The following RARB variants were observed in gnomAD, a reference collection of about 807,000 sequenced individuals.
RARB encodes the protein HBV-activated protein.
A neutral mutation model predicts 51.9 loss-of-function variants in RARB; 17 were observed. The observed-to-expected ratio is 0.33, with a 90% CI of 0.22 to 0.49. The LOEUF (loss-of-function observed/expected upper bound fraction) is 0.49, where lower values mean the gene tolerates loss of function less well. Among genes scored for constraint, RARB ranks in the 20% least tolerant of loss-of-function variants. The probability of loss-of-function intolerance (pLI) is 0.99; values close to 1 mark genes in which losing one functional copy is unlikely to be tolerated. For synonymous variants in RARB, 215 were observed against 195.4 expected (o/e 1.10, Z -0.84); for missense variants, 369 against 550.8 (o/e 0.67, Z 3.30).
intron 3 of RARB, chr3:25,060,229 A>G (rs1698521764): frequency 6.6e-6 from 1 of 151,862 alleles, no homozygotes; most frequent in Admixed American, 6.6e-5. Flanking sequence ...TTTGAAAAAC[A>G]TGGAAGTTCT....
At chr3:25,038,722 C>A (rs1424342217) in intron 2 of RARB, among the ~76,000 whole-genome samples, 1 of 152,052 alleles carries the variant, frequency 6.6e-6, no homozygotes, top group Non-Finnish European at 1.5e-5. Flanking sequence ...TTTTTCTTAA[C>A]ATAATGAGAC....
chr3:25,142,908 G>C (rs1559481517), intron 4 of RARB, among the ~76,000 whole-genome samples: 1 of 152,072 alleles, frequency 6.6e-6, no homozygotes, highest in Non-Finnish European at 1.5e-5. Flanking sequence ...ATCCTCTGCT[G>C]GATGGCTGAT....
At chr3:25,183,920 G>A (rs1323585889) in intron 5 of RARB, among the ~76,000 whole-genome samples, 1 of 151,990 alleles carries the variant, frequency 6.6e-6, no homozygotes, top group Non-Finnish European at 1.5e-5. Flanking sequence ...GTCCCCATTA[G>A]TTCCCCTTAT....
At chr3:24,853,662 A>C (rs9310759) in intron 1 of RARB, among the ~76,000 whole-genome samples, 159 of 152,342 alleles carry the variant, frequency 1.0e-3, no homozygotes, top group African/African-American at 3.6e-3. Context: ...TGTAAGATGG[A>C]GTGTCTTCAC....
upstream of RARB, among the ~76,000 whole-genome samples, chr3:25,426,644 C>T (rs982942967): frequency 2.3e-4 from 35 of 152,240 alleles, no homozygotes; most frequent in African/African-American, 8.0e-4. Flanking sequence ...ACTCTCCCTC[C>T]CTGCCTAACC....
chr3:25,207,896 G>T (rs1701593363), intron 5 of RARB, among the ~76,000 whole-genome samples: 1 of 152,184 alleles, frequency 6.6e-6, no homozygotes, highest in South Asian at 2.1e-4. Flanking sequence ...AGTCCTGTAG[G>T]TTGTACAAGC....
intron 1 of RARB, among the ~76,000 whole-genome samples, chr3:24,844,270 G>A (rs1488759181): frequency 1.3e-5 from 2 of 152,216 alleles, no homozygotes; most frequent in Admixed American, 1.3e-4. Flanking sequence ...CAGAACAAAG[G>A]CCTGGGAGCA....
At chr3:25,335,753 G>C (rs1395234226) in intron 5 of RARB, among the ~76,000 whole-genome samples, 2 of 152,168 alleles carry the variant, frequency 1.3e-5, no homozygotes, top group African/African-American at 4.8e-5. Context: ...CTCTGTTTCT[G>C]CCTCTGACAA....
chr3:25,367,210 A>C (rs11707139), intron 5 of RARB, among the ~76,000 whole-genome samples: 12,501 of 152,270 alleles, frequency 0.082, 723 homozygotes, highest in South Asian at 0.19. Flanking sequence ...TGGGTTTTCA[A>C]TGTTGGTACA....
At chr3:25,264,770 A>T (rs1703086642) in intron 5 of RARB, among the ~76,000 whole-genome samples, 1 of 152,138 alleles carries the variant, frequency 6.6e-6, no homozygotes, top group African/African-American at 2.4e-5. Context: ...GTGTATACAC[A>T]CTTTTCTCCT....
chr3:25,205,470 T>C (rs1014359603), intron 5 of RARB, among the ~76,000 whole-genome samples: 1 of 152,154 alleles, frequency 6.6e-6, no homozygotes, highest in African/African-American at 2.4e-5. Context: ...GAGATGCACC[T>C]GGTACCTCAG....
chr3:25,243,198 G>C (rs1376329178), intron 5 of RARB, among the ~76,000 whole-genome samples: 1 of 152,144 alleles, frequency 6.6e-6, no homozygotes, highest in Non-Finnish European at 1.5e-5. Context: ...TCAGCTTAAG[G>C]AGTTCTTGGG....
chr3:25,546,691 A>G (rs969895396), intron 3 of RARB, among the ~76,000 whole-genome samples: 10 of 152,176 alleles, frequency 6.6e-5, no homozygotes, highest in Non-Finnish European at 1.5e-4. Flanking sequence ...GACAATTTGG[A>G]AAGTACGGAA....
intron 3 of RARB, among the ~76,000 whole-genome samples, chr3:25,516,991 C>T (rs1218168239): frequency 6.6e-6 from 1 of 152,054 alleles, no homozygotes; most frequent in Non-Finnish European, 1.5e-5. Context: ...GAAAAGAAAG[C>T]AGTAAAAATG....
chr3:25,325,368 T>A (rs1240552992), intron 5 of RARB, among the ~76,000 whole-genome samples: 1 of 152,158 alleles, frequency 6.6e-6, no homozygotes, highest in African/African-American at 2.4e-5. Flanking sequence ...GCCTGTTCTA[T>A]CAGCAAGGTC....
At position 25,111,742 on chromosome 3, in the gene RARB, C is replaced by G. The variant is rs373356849; in HGVS notation, c.-327-20419C>G. On this transcript the variant is annotated intron_variant, in intron 3 of 11. Coordinates refer to the RARB transcript ENST00000383772. Reference sequence around the variant, plus strand: ...TACAGGCACCCGCCACCATGCCCAGCTAATTTTTGTATTTTTAGTAGAGGT... The same window carrying G: ...TACAGGCACCCGCCACCATGCCCAGGTAATTTTTGTATTTTTAGTAGAGGT... Among the ~76,000 whole-genome samples the G allele has an allele frequency of 4.8e-3, 731 of 151,992 alleles. 14 individuals are homozygous for G. Among genetic ancestry groups the G allele is most frequent in the South Asian group, 0.046 (223 of 4,798 alleles).
chr3:24,930,337 A>T (rs1695412425), intron 2 of RARB, among the ~76,000 whole-genome samples: 1 of 152,184 alleles, frequency 6.6e-6, no homozygotes, highest in East Asian at 1.9e-4. Flanking sequence ...CGTAAGCTTT[A>T]CCACCATTAA....
At chr3:25,570,456 C>G (rs1473951021) in intron 4 of RARB, among the ~76,000 whole-genome samples, 2 of 152,216 alleles carry the variant, frequency 1.3e-5, no homozygotes, top group Non-Finnish European at 2.9e-5. Context: ...ACCCCCAAGC[C>G]AGGGCCTAGA....
At chr3:25,323,481 A>G (rs1564744) in intron 5 of RARB, among the ~76,000 whole-genome samples, 5,996 of 152,334 alleles carry the variant, frequency 0.039, 159 homozygotes, top group Middle Eastern at 0.065. Flanking sequence ...GTACACTATA[A>G]TAGTAGTCTA....
Sources: gnomAD v4.1 joint callset for allele counts (sites outside exome capture counted in the v4.1 genomes callset) on GRCh38, gnomAD v4.1.1 for gene constraint, MANE v1.5 for transcripts, NCBI Gene and HGNC (gene_info 2026-07-23, HGNC 2026-07-21) for gene names.